The following EFCAB6 variants were observed in gnomAD, a reference collection of about 807,000 sequenced individuals.
EFCAB6 encodes the protein EF-hand calcium-binding domain-containing protein 6.
Under a neutral mutation model 169.8 loss-of-function variants are expected in EFCAB6, and 156 were observed. That is an observed-to-expected ratio of 0.92 (90% CI 0.81 to 1.05). The LOEUF (loss-of-function observed/expected upper bound fraction) is 1.05, where lower values mean the gene tolerates loss of function less well. EFCAB6 is among the 50% of genes least tolerant of loss of function. The pLI is 0.00. For synonymous variants in EFCAB6, 698 were observed against 676.4 expected, an observed-to-expected ratio of 1.03 and a Z score of -0.50; for missense variants, 1,800 against 1,829.1, an observed-to-expected ratio of 0.98 and a Z score of 0.29.
chr22:43,629,553 G>C (rs1484122776), intron 19 of EFCAB6, among the ~76,000 whole-genome samples: 2 of 152,206 alleles, frequency 1.3e-5, no homozygotes, highest in African/African-American at 4.8e-5. Context: ...AGCCCCTTGG[G>C]TTACTGTGGT....
At chr22:43,601,966 G>C (rs1194671485) in intron 22 of EFCAB6, among the ~76,000 whole-genome samples, 1 of 152,196 alleles carries the variant, frequency 6.6e-6, no homozygotes, top group East Asian at 1.9e-4. Context: ...TCTCCACATG[G>C]ACTCCACCTG....
At chr22:43,565,185 C>A (rs2049343642) in intron 26 of EFCAB6, among the ~76,000 whole-genome samples, 1 of 152,222 alleles carries the variant, frequency 6.6e-6, no homozygotes, top group African/African-American at 2.4e-5. Flanking sequence ...GCACCTACAC[C>A]ATTGCCTTAG....
intron 26 of EFCAB6, among the ~76,000 whole-genome samples, chr22:43,568,175 G>A (rs144576988): frequency 6.6e-6 from 1 of 152,330 alleles, no homozygotes; most frequent in Non-Finnish European, 1.5e-5. Flanking sequence ...CCCAGAGCCA[G>A]GCACACATTC....
intron 8 of EFCAB6, among the ~76,000 whole-genome samples, chr22:43,726,276 C>CAAAAA (rs3994547): frequency 1.9e-4 from 11 of 59,358 alleles, no homozygotes; most frequent in South Asian, 7.7e-4. Context: ...AAAAATTCAC[C>CAAAAA]AAAAAAAAAA....
At chr22:43,669,094 G>A (rs773085740) in intron 15 of EFCAB6, 49 bp from the exon 16 acceptor site, 11 of 1,466,498 alleles carry the variant, frequency 7.5e-6, no homozygotes, top group Admixed American at 6.8e-5. Flanking sequence ...TAATTAAAAC[G>A]GAAAAGACTG....
intron 9 of EFCAB6, among the ~76,000 whole-genome samples, chr22:43,712,773 CAT>C (rs889417301): frequency 1.1e-4 from 16 of 149,286 alleles, no homozygotes; most frequent in Admixed American, 4.7e-4. Context: ...GTCTTAATGA[CAT>C]ATGGTTTTCC....
intron 27 of EFCAB6, among the ~76,000 whole-genome samples, chr22:43,545,621 A>G (rs2048012324): frequency 6.6e-6 from 1 of 152,098 alleles, no homozygotes. Context: ...AGGCCTGGAG[A>G]TCCTGGCATA....
chr22:43,782,632 G>T (rs2061866061), intron 2 of EFCAB6, among the ~76,000 whole-genome samples: 1 of 152,206 alleles, frequency 6.6e-6, no homozygotes, highest in African/African-American at 2.4e-5. Flanking sequence ...GTAAGGGGAA[G>T]AAAGTTTGGA....
At chr22:43,686,563 T>C (rs1260529758) in intron 11 of EFCAB6, among the ~76,000 whole-genome samples, 1 of 152,100 alleles carries the variant, frequency 6.6e-6, no homozygotes, top group Non-Finnish European at 1.5e-5. Context: ...ACAAGAAAAT[T>C]AAAAAGAAAC....
chr22:43,550,927 G>C (rs1212400573), intron 27 of EFCAB6, among the ~76,000 whole-genome samples: 1 of 152,024 alleles, frequency 6.6e-6, no homozygotes, highest in African/African-American at 2.4e-5. Flanking sequence ...CTCCTTTCCC[G>C]AAAGGTTAAT....
At chr22:43,568,990 C>T (rs1299766884) in intron 26 of EFCAB6, among the ~76,000 whole-genome samples, 1 of 152,164 alleles carries the variant, frequency 6.6e-6, no homozygotes, top group Non-Finnish European at 1.5e-5. Flanking sequence ...CTGGTGTGGC[C>T]CCCTCACATT....
chr22:43,709,014 T>G (rs886531021), intron 10 of EFCAB6, among the ~76,000 whole-genome samples: 3 of 152,192 alleles, frequency 2.0e-5, no homozygotes, highest in African/African-American at 7.2e-5. Flanking sequence ...ACGCATTCTA[T>G]GCACCCATCA....
chr22:43,599,067 C>T (rs2052280212), intron 23 of EFCAB6, among the ~76,000 whole-genome samples: 1 of 152,192 alleles, frequency 6.6e-6, no homozygotes, highest in African/African-American at 2.4e-5. Flanking sequence ...TATTGTTCCA[C>T]TCATGGTACA....
At chr22:43,636,693 C>A (rs1250687251) in intron 17 of EFCAB6, among the ~76,000 whole-genome samples, 1 of 151,192 alleles carries the variant, frequency 6.6e-6, no homozygotes, top group Non-Finnish European at 1.5e-5. Context: ...GCACTGTAAC[C>A]TCTGCCTCCC....
intron 8 of EFCAB6, among the ~76,000 whole-genome samples, chr22:43,724,238 C>T (rs936230972): frequency 6.6e-6 from 1 of 152,240 alleles, no homozygotes; most frequent in African/African-American, 2.4e-5. Context: ...GGCATGGATA[C>T]AATGCAGCCA....
intron 17 of EFCAB6, among the ~76,000 whole-genome samples, chr22:43,636,615 T>C (rs982048598): frequency 2.0e-5 from 3 of 148,832 alleles, no homozygotes; most frequent in South Asian, 4.3e-4. Context: ...TTTTCTTTTT[T>C]TTTTTTTTTT....
chr22:43,660,220 G>A (rs1403869422), intron 17 of EFCAB6, among the ~76,000 whole-genome samples: 1 of 152,146 alleles, frequency 6.6e-6, no homozygotes, highest in African/African-American at 2.4e-5. Context: ...ACTAATCTTA[G>A]CCCATGTGTC....
At chr22:43,740,690 A>G (rs1299599462) in intron 6 of EFCAB6, among the ~76,000 whole-genome samples, 1 of 152,160 alleles carries the variant, frequency 6.6e-6, no homozygotes, top group Admixed American at 6.5e-5. Flanking sequence ...GGGAATACTG[A>G]GTGCAGCCGA....
At chr22:43,646,339 CCA>C (rs2056155003) in intron 17 of EFCAB6, among the ~76,000 whole-genome samples, 1 of 152,064 alleles carries the variant, frequency 6.6e-6, no homozygotes, top group South Asian at 2.1e-4. Context: ...TAATGTAAGT[CCA>C]GTTATGATCC....
Sources: gnomAD v4.1 joint callset for allele counts (sites outside exome capture counted in the v4.1 genomes callset) on GRCh38, gnomAD v4.1.1 for gene constraint, MANE v1.5 for transcripts, NCBI Gene and HGNC (gene_info 2026-07-23, HGNC 2026-07-21) for gene names.